Variants in SCML2 observed in about 807,000 individuals in gnomAD.
SCML2 encodes the protein Scm polycomb group protein like 2.
Under a neutral mutation model 48.4 loss-of-function variants are expected in SCML2, and 6 were observed. The ratio of observed to expected loss-of-function variants is 0.12; its 90% confidence interval spans 0.07 to 0.24. The LOEUF is 0.24. Among genes scored for constraint, SCML2 ranks in the 10% least tolerant of loss-of-function variants. SCML2 has a pLI of 1.00. For synonymous variants in SCML2, 181 were observed against 189.5 expected (o/e 0.95, Z 0.37); for missense variants, 377 against 528.2 (o/e 0.71, Z 2.81).
At chrX:18,338,919 T>TAAAAA (rs374703842) in intron 1 of SCML2, among the ~76,000 whole-genome samples, 1 of 76,446 alleles carries the variant, frequency 1.3e-5, no homozygotes. Context: ...CCTGTCTCAT[T>TAAAAA]AAAAAAAAAA....
intron 7 of SCML2, among the ~76,000 whole-genome samples, chrX:18,273,659 T>C (rs1927533424): frequency 9.1e-6 from 1 of 109,520 alleles, no homozygotes. Context: ...GGAGGGTGGG[T>C]TCCCAGCAAG....
intron 11 of SCML2, among the ~76,000 whole-genome samples, chrX:18,248,467 C>G (rs753349335): frequency 8.9e-6 from 1 of 112,163 alleles, no homozygotes; most frequent in African/African-American, 3.2e-5. Context: ...ACTAAAAGGA[C>G]AAATAAGGTG....
At chrX:18,241,860 G>A (rs1460094555) in intron 14 of SCML2, among the ~76,000 whole-genome samples, 1 of 111,929 alleles carries the variant, frequency 8.9e-6, no homozygotes, top group South Asian at 3.8e-4. Flanking sequence ...ATTTTCTTGC[G>A]ATAGTGAAAA....
In SCML2 at chrX:18,305,224, A is replaced by G; in HGVS notation, c.487-9T>C. On this transcript the variant is annotated splice_polypyrimidine_tract_variant and intron_variant, in intron 6 of 14. Transcript: ENST00000251900. ...GGGGGCTTTGGTGGTTCCTATCAAA[A>G]CATTAAAAAAAAAAAAGATTTCATT... 2 of 1,174,058 alleles carry G rather than the reference A, an allele frequency of 1.7e-6. No homozygotes were observed. The highest frequency in any genetic ancestry group is 1.9e-5 in the South Asian group (1 of 51,789).
chrX:18,321,874 A>G (rs948718368), intron 5 of SCML2, among the ~76,000 whole-genome samples: 4 of 111,717 alleles, frequency 3.6e-5, no homozygotes, highest in African/African-American at 1.3e-4. Context: ...CTTTAAAAAG[A>G]GATAAAACTA....
intron 9 of SCML2, 30 bp downstream of exon 9, chrX:18,260,141 T>G: frequency 9.4e-7 from 1 of 1,064,471 alleles, no homozygotes; most frequent in Non-Finnish European, 1.3e-6. Context: ...AGATTAGTAA[T>G]TCTATACTAT....
rs1177093383 is a variant in SCML2, at chrX:18,353,882, C to G, written c.-25+710G>C. The stretch of plus-strand genomic sequence containing the variant: ...TGGAAAAAGCGAGAAAGGTAAGAAA[C>G]CATTTCGAGACTGTTTCTAAGTGAC... On this transcript the variant is annotated intron_variant, in intron 1 of 14. Coordinates refer to ENST00000251900, the MANE Select transcript of SCML2 (RefSeq NM_006089.3). Among the ~76,000 whole-genome samples, 4 of 113,214 alleles carry G rather than the reference C, an allele frequency of 3.5e-5. No individual in the cohort carries two copies. The Admixed American group carries it at 3.7e-4, about 10-fold the overall frequency.
At chrX:18,325,034 G>T in intron 3 of SCML2, 57 bp from the exon 4 acceptor site, 1 of 787,764 alleles carries the variant, frequency 1.3e-6, no homozygotes, top group African/African-American at 2.1e-5. Context: ...GTAACTTTTA[G>T]TATATACAAC....
chrX:18,306,012 G>A (rs767605388), intron 6 of SCML2, among the ~76,000 whole-genome samples: 4 of 111,286 alleles, frequency 3.6e-5, no homozygotes, highest in Non-Finnish European at 7.5e-5. Flanking sequence ...AGTCACCTAA[G>A]CCAAAAGACT....
intron 8 of SCML2, among the ~76,000 whole-genome samples, chrX:18,264,982 ATTG>A (rs1927209499): frequency 1.8e-5 from 2 of 111,638 alleles, no homozygotes; most frequent in South Asian, 7.5e-4. Context: ...GGCCAGATAA[ATTG>A]TTGTTTTTCT....
chrX:18,246,752 T>C lies in SCML2; in HGVS notation c.1647A>G (p.Leu549=). The C allele has an allele frequency of 8.3e-7, 1 of 1,205,006 alleles. No homozygotes were observed. Among genetic ancestry groups the C allele is most frequent in the Non-Finnish European group, 1.1e-6 (1 of 889,497 alleles). The change falls in exon 13 of 15, where the codon CTA becomes CTG. Residue 549 remains leucine (L), a synonymous_variant. Coordinates refer to ENST00000251900, the MANE Select transcript of SCML2 (RefSeq NM_006089.3). ...NLSEDSKSSS[L]NSGNYLNPAC... is the part of the protein sequence containing the mutation. ...CAGGATTCAAATAATTTCCTGAATT[T>C]AGTGATGAGCTCTTAGAATCTTCTG...
intron 6 of SCML2, among the ~76,000 whole-genome samples, chrX:18,311,842 G>C (rs1024555949): frequency 2.7e-5 from 3 of 112,056 alleles, no homozygotes; most frequent in Admixed American, 9.5e-5. Flanking sequence ...CCAGACTGGA[G>C]TGTAGTGTCG....
At chrX:18,255,351 A>G (rs1043456081) in intron 11 of SCML2, among the ~76,000 whole-genome samples, 2 of 112,367 alleles carry the variant, frequency 1.8e-5, no homozygotes, top group African/African-American at 3.2e-5. Context: ...AACAGCAGGA[A>G]CTGAATTAAA....
intron 1 of SCML2, among the ~76,000 whole-genome samples, chrX:18,353,800 T>C (rs754156381): frequency 1.8e-5 from 2 of 113,091 alleles, no homozygotes; most frequent in Non-Finnish European, 3.7e-5. Flanking sequence ...CAAATTCGCC[T>C]AGACCCATTC....
At chrX:18,277,015 AC>A (rs112761229) in intron 7 of SCML2, among the ~76,000 whole-genome samples, 127 of 110,235 alleles carry the variant, frequency 1.2e-3, no homozygotes, top group African/African-American at 2.6e-3. Context: ...AAAAAAAAAA[AC>A]CAAAAACAAA....
chrX:18,257,481 C>T (rs1926891314), intron 10 of SCML2, among the ~76,000 whole-genome samples: 1 of 111,834 alleles, frequency 8.9e-6, no homozygotes, highest in Non-Finnish European at 1.9e-5. Flanking sequence ...TGACTTTTGT[C>T]CCAATTTACA....
intron 2 of SCML2, 109 bp from the exon 3 acceptor site, chrX:18,330,764 T>C: frequency 2.3e-6 from 1 of 429,561 alleles, no homozygotes; most frequent in Non-Finnish European, 4.0e-6. Context: ...AGTTTTATAA[T>C]ATCTTCATTT....
In SCML2 at chrX:18,343,543, G is replaced by A. The variant is rs748484834; in HGVS notation, c.-24-9448C>T. ...TGGGAGGCCAACGCAGGTGGATCAC[G>A]AGGTCAGGAGATCAAGACCATCCTG... is the stretch of plus-strand genomic sequence containing the variant. On this transcript the variant is annotated intron_variant, in intron 1 of 14. Coordinates refer to ENST00000251900, the MANE Select transcript of SCML2 (RefSeq NM_006089.3). 8.7e-4 allele frequency among the ~76,000 whole-genome samples: 96 copies of A among 109,817 alleles called. 1 individual carries two copies. The highest frequency in any genetic ancestry group is 1.5e-3 in the Non-Finnish European group (81 of 52,728).
At chrX:18,327,655 T>C (rs1455921509) in intron 3 of SCML2, among the ~76,000 whole-genome samples, 1 of 112,378 alleles carries the variant, frequency 8.9e-6, no homozygotes, top group Non-Finnish European at 1.9e-5. Context: ...TTTATACTAG[T>C]GCTCTACAAT....
Sources: allele counts gnomAD v4.1 joint callset (sites outside exome capture counted in the v4.1 genomes callset), GRCh38; gene constraint gnomAD v4.1.1; transcripts MANE v1.5; gene names NCBI Gene and HGNC (gene_info 2026-07-23, HGNC 2026-07-21).